SAMD12: variants seen among roughly 807,000 people sequenced by gnomAD.
SAMD12 encodes the protein sterile alpha motif domain containing 12.
SAMD12 carries 9 observed loss-of-function variants against 15.0 expected under a neutral mutation model. The observed-to-expected ratio is 0.60, with a 90% confidence interval of 0.36 to 1.05. The LOEUF is 1.05. SAMD12 is among the 50% of genes least tolerant of loss of function. SAMD12 has a pLI of 0.01. For synonymous variants in SAMD12, 86 were observed against 90.1 expected, an observed-to-expected ratio of 0.96 and a Z score of 0.25; for missense variants, 230 against 234.2, an observed-to-expected ratio of 0.98 and a Z score of 0.12.
chr8:118,397,812 A>G (rs1820659752), intron 3 of SAMD12, among the ~76,000 whole-genome samples: 1 of 152,070 alleles, frequency 6.6e-6, no homozygotes, highest in Non-Finnish European at 1.5e-5. Context: ...TTAATTAATG[A>G]GACTGGGTCT....
At position 118,334,118 on chromosome 8, in the gene SAMD12, T is replaced by G. The variant is rs115277624; in HGVS notation, c.433+45442A>C. 5.7e-3 allele frequency among the ~76,000 whole-genome samples: 871 copies of G among 152,266 alleles called. 6 individuals carry two copies. The highest frequency in any genetic ancestry group is 0.02 in the African/African-American group (832 of 41,534). ...ACAGTTAGAAATATAAACAAAGTAC[T>G]ATGGAAGAAGCTATTAATACTTATG... is the stretch of plus-strand genomic sequence containing the variant. On this transcript the variant is annotated intron_variant, in intron 4 of 4. Transcript: ENST00000409003.
intron 4 of SAMD12, among the ~76,000 whole-genome samples, chr8:118,259,571 A>G (rs767792374): frequency 9.9e-5 from 15 of 152,092 alleles, no homozygotes; most frequent in Non-Finnish European, 1.8e-4. Flanking sequence ...AAATTCGCTT[A>G]TGTGGCCCCT....
intron 2 of SAMD12, among the ~76,000 whole-genome samples, chr8:118,455,916 C>T (rs1400988486): frequency 6.6e-6 from 1 of 152,200 alleles, no homozygotes; most frequent in East Asian, 1.9e-4. Context: ...CCTTCCACCT[C>T]ATTCAAAGGC....
intron 4 of SAMD12, among the ~76,000 whole-genome samples, chr8:118,313,781 G>C (rs1408109957): frequency 6.6e-6 from 1 of 151,658 alleles, no homozygotes; most frequent in Non-Finnish European, 1.5e-5. Flanking sequence ...TGGTTTCTAT[G>C]ATTTAATGGA....
chr8:118,406,843 T>C (rs1468452894), intron 3 of SAMD12, among the ~76,000 whole-genome samples: 1 of 151,928 alleles, frequency 6.6e-6, no homozygotes, highest in Non-Finnish European at 1.5e-5. Flanking sequence ...ACCCATGTTG[T>C]AGCATGTAAC....
intron 2 of SAMD12, among the ~76,000 whole-genome samples, chr8:118,470,657 G>T (rs1214539396): frequency 6.6e-6 from 1 of 152,122 alleles, no homozygotes; most frequent in Non-Finnish European, 1.5e-5. Flanking sequence ...ATGCAGTAGG[G>T]TATATTATTT....
chr8:118,559,302 C>T (rs1367131538), intron 2 of SAMD12, among the ~76,000 whole-genome samples: 3 of 152,192 alleles, frequency 2.0e-5, no homozygotes, highest in African/African-American at 7.2e-5. Flanking sequence ...CATTCTTTCC[C>T]ATAGAATACA....
At chr8:118,281,859 T>C (rs1012408447) in intron 4 of SAMD12, among the ~76,000 whole-genome samples, 1 of 152,218 alleles carries the variant, frequency 6.6e-6, no homozygotes, top group Non-Finnish European at 1.5e-5. Context: ...TTTCTTTACA[T>C]TAAGATCTCT....
intron 4 of SAMD12, among the ~76,000 whole-genome samples, chr8:118,280,215 A>C (rs911910662): frequency 7.2e-5 from 11 of 152,256 alleles, no homozygotes; most frequent in African/African-American, 2.2e-4. Flanking sequence ...CCCTGTGTAA[A>C]TGATAGCATA....
At chr8:118,209,730 T>C (rs1173182695) in intron 4 of SAMD12, among the ~76,000 whole-genome samples, 2 of 152,254 alleles carry the variant, frequency 1.3e-5, no homozygotes, top group African/African-American at 4.8e-5. Flanking sequence ...ATTACACTGC[T>C]TGCAAAGCTG....
the SAMD12 span, among the ~76,000 whole-genome samples, chr8:118,132,932 G>A: frequency 7.1e-6 from 1 of 140,124 alleles, no homozygotes; most frequent in Non-Finnish European, 1.5e-5. Flanking sequence ...TTCTGGTGGT[G>A]AGAGATGATT....
chr8:118,456,701 C>T (rs1253808338), intron 2 of SAMD12, among the ~76,000 whole-genome samples: 1 of 152,242 alleles, frequency 6.6e-6, no homozygotes, highest in Non-Finnish European at 1.5e-5. Context: ...TGTGTCTGCT[C>T]TGTCTCCATT....
intron 1 of SAMD12, among the ~76,000 whole-genome samples, chr8:118,608,518 T>C (rs1828033107): frequency 6.6e-6 from 1 of 152,094 alleles, no homozygotes. Flanking sequence ...TTGTTTTTGT[T>C]TTTGAGATGG....
chr8:118,478,113 C>G (rs545919411), intron 2 of SAMD12, among the ~76,000 whole-genome samples: 1 of 152,026 alleles, frequency 6.6e-6, no homozygotes, highest in East Asian at 1.9e-4. Flanking sequence ...ATTCTAATCA[C>G]CATCCAATTA....
chr8:118,350,231 G>C (rs546911696), intron 4 of SAMD12, among the ~76,000 whole-genome samples: 4 of 152,302 alleles, frequency 2.6e-5, no homozygotes, highest in Admixed American at 2.0e-4. Context: ...GTAAGGCTAA[G>C]AAAAGAAAGG....
chr8:118,540,814 G>A (rs888369062), intron 2 of SAMD12, among the ~76,000 whole-genome samples: 1 of 152,158 alleles, frequency 6.6e-6, no homozygotes, highest in African/African-American at 2.4e-5. Context: ...ACAAAGGTAA[G>A]TACACTGCTG....
chr8:118,258,040 C>A (rs969683899), intron 4 of SAMD12, among the ~76,000 whole-genome samples: 2 of 152,058 alleles, frequency 1.3e-5, no homozygotes, highest in African/African-American at 4.8e-5. Flanking sequence ...ATTAGAGATA[C>A]CAGAGATTCT....
At chr8:118,511,980 AAATC>A (rs533174518) in intron 2 of SAMD12, among the ~76,000 whole-genome samples, 24 of 152,208 alleles carry the variant, frequency 1.6e-4, no homozygotes, top group Non-Finnish European at 3.2e-4. Flanking sequence ...CTAAATAAGT[AAATC>A]AATCAATCAA....
chr8:118,420,958 A>C (rs73311781), intron 3 of SAMD12, among the ~76,000 whole-genome samples: 37,903 of 152,142 alleles, frequency 0.25, 5,117 homozygotes, highest in Admixed American at 0.41. Context: ...ATATACTACA[A>C]ACATGGAGTT....
Sources: allele counts gnomAD v4.1 joint callset (sites outside exome capture counted in the v4.1 genomes callset), GRCh38; gene constraint gnomAD v4.1.1; transcripts MANE v1.5; gene names NCBI Gene and HGNC (gene_info 2026-07-23, HGNC 2026-07-21).